BHMT2: variants seen among roughly 807,000 people sequenced by gnomAD.
The protein encoded by BHMT2 is S-methylmethionine--homocysteine S-methyltransferase BHMT2.
A neutral mutation model predicts 39.0 loss-of-function variants in BHMT2; 28 were observed. That is an observed-to-expected ratio of 0.72 (90% CI 0.53 to 0.98). The LOEUF (loss-of-function observed/expected upper bound fraction) is 0.98, where lower values mean the gene tolerates loss of function less well. Among genes scored for constraint, BHMT2 ranks in the 50% least tolerant of loss-of-function variants. BHMT2 has a pLI of 0.00. For synonymous variants in BHMT2, 145 were observed against 160.6 expected, an observed-to-expected ratio of 0.90 and a Z score of 0.74; for missense variants, 410 against 455.6, an observed-to-expected ratio of 0.90 and a Z score of 0.91.
intron 2 of BHMT2, chr5:79,077,819 TCACA>T: frequency 2.2e-6 from 1 of 449,220 alleles, no homozygotes; most frequent in Non-Finnish European, 3.9e-6. Flanking sequence ...CCTACCCACA[TCACA>T]CACCCACCCA....
At chr5:79,075,841 C>T (rs1755662108) in intron 1 of BHMT2, among the ~76,000 whole-genome samples, 1 of 152,136 alleles carries the variant, frequency 6.6e-6, no homozygotes, top group Non-Finnish European at 1.5e-5. Flanking sequence ...TCTTCAGCAC[C>T]CCACAGCTTA....
chr5:79,078,694 A>G (rs1755725889), intron 2 of BHMT2, among the ~76,000 whole-genome samples: 1 of 152,364 alleles, frequency 6.6e-6, no homozygotes, highest in African/African-American at 2.4e-5. Context: ...TCGGACACCC[A>G]GAGTTCTGTG....
intron 4 of BHMT2, chr5:79,082,579 A>G (rs1755807690): frequency 2.7e-6 from 1 of 367,892 alleles, no homozygotes; most frequent in Non-Finnish European, 4.8e-6. Flanking sequence ...ATCTCACTGA[A>G]TCAATGAACC....
chr5:79,072,388 A>G (rs1402523049), intron 1 of BHMT2, among the ~76,000 whole-genome samples: 2 of 152,252 alleles, frequency 1.3e-5, no homozygotes, highest in African/African-American at 4.8e-5. Context: ...GTCAAAATAT[A>G]TACTACAATT....
intron 3 of BHMT2, among the ~76,000 whole-genome samples, chr5:79,079,732 C>G (rs1462346655): frequency 6.6e-6 from 1 of 152,106 alleles, no homozygotes; most frequent in East Asian, 1.9e-4. Flanking sequence ...CCTGTCTCTA[C>G]TGAAAATGCA....
Position 79,083,700 on chromosome 5 carries a change from G to C in BHMT2, c.854G>C (p.Arg285Thr), listed in dbSNP as rs753420320. ...YAREAYNLGV[R>T]YIGGCCGFEP... ...AGAGAGGCCTACAACCTGGGGGTCA[G>C]GTACATTGGCGGGTGCTGTGGATTT... is the stretch of plus-strand genomic sequence containing the variant. The change falls in exon 7 of 8, where the codon AGG (arginine) becomes ACG (threonine). Residue 285 changes from arginine (R) to threonine (T), a missense_variant. Arg to Thr is a moderately conservative substitution (Grantham distance 71). Transcript: ENST00000255192. The C allele has an allele frequency of 6.2e-7, 1 of 1,614,110 alleles. No individual in the cohort carries two copies. Among genetic ancestry groups the C allele is most frequent in the Non-Finnish European group, 8.5e-7 (1 of 1,180,022 alleles).
chr5:79,083,073 C>T, intron 5 of BHMT2, 117 bp downstream of exon 5: 1 of 1,573,328 alleles, frequency 6.4e-7, no homozygotes, highest in Non-Finnish European at 8.7e-7. Context: ...AATCAGTTTT[C>T]TTATCTGTAA....
chr5:79,087,010 G>GTATATA lies in BHMT2; in HGVS notation c.1011-1482_1011-1481insATATAT, dbSNP rs71615505. On this transcript the variant is annotated intron_variant, in intron 7 of 7. Coordinates refer to ENST00000255192, the MANE Select transcript of BHMT2 (RefSeq NM_017614.5). ...CTTTTGTGTATGTATGTGTGTGTGT[G>GTATATA]TGTGTATATATATATATATATATAT... Among the ~76,000 whole-genome samples, 579 of 113,328 alleles carry GTATATA rather than the reference G, an allele frequency of 5.1e-3. 6 individuals carry two copies. The highest frequency in any genetic ancestry group is 0.017 in the Middle Eastern group (4 of 234). 74.3% of individuals were successfully genotyped at this position (113,328 alleles called of 152,430 possible).
At position 79,089,906 on chromosome 5, in the gene BHMT2, T is replaced by C. The variant is rs1301332268; in HGVS notation, c.*1332T>C. 1.3e-5 allele frequency among the ~76,000 whole-genome samples: 2 copies of C among 152,238 alleles called. No homozygotes were observed. Among genetic ancestry groups the C allele is most frequent in the African/African-American group, 4.8e-5 (2 of 41,462 alleles). On this transcript the variant is annotated 3_prime_UTR_variant, in exon 8 of 8. Coordinates refer to ENST00000255192, the MANE Select transcript of BHMT2 (RefSeq NM_017614.5). ...TTGCTTGAACCTGGGAGGCAGAGGTTGCAGTGAGCTGAGATCGCCCCACTG... is the reference window on the plus strand; with the variant it reads ...TTGCTTGAACCTGGGAGGCAGAGGTCGCAGTGAGCTGAGATCGCCCCACTG...
chr5:79,071,490 G>C lies in BHMT2; in HGVS notation c.33+1675G>C, dbSNP rs368042903. Among the ~76,000 whole-genome samples, 14 of 152,304 alleles carry C rather than the reference G, an allele frequency of 9.2e-5. 1 individual carries two copies. The highest frequency in any genetic ancestry group is 3.4e-4 in the African/African-American group (14 of 41,578). On this transcript the variant is annotated intron_variant, in intron 1 of 7. Coordinates refer to ENST00000255192, the MANE Select transcript of BHMT2 (RefSeq NM_017614.5). ...CCTAGAGCTCGCTGTCAGATGCAAG[G>C]CAGGTTCACTGCCAAACTGATGGGG...
chr5:79,082,100 G>C (rs979825600), intron 4 of BHMT2, among the ~76,000 whole-genome samples: 1 of 152,198 alleles, frequency 6.6e-6, no homozygotes, highest in African/African-American at 2.4e-5. Flanking sequence ...TGCTTCTGCA[G>C]AATTTGTTTC....
intron 1 of BHMT2, among the ~76,000 whole-genome samples, chr5:79,075,251 A>G (rs1580247252): frequency 1.3e-5 from 2 of 152,150 alleles, no homozygotes; most frequent in Admixed American, 1.3e-4. Context: ...GGACTGTGCA[A>G]TTTGGTGCAC....
chr5:79,070,457 G>A (rs573962986), intron 1 of BHMT2, among the ~76,000 whole-genome samples: 2 of 152,258 alleles, frequency 1.3e-5, no homozygotes, highest in East Asian at 3.9e-4. Context: ...CCAGATGTTG[G>A]CTTTATGCCC....
At chr5:79,077,825 A>T (rs1580249091) in intron 2 of BHMT2, 8 of 424,290 alleles carry the variant, frequency 1.9e-5, no homozygotes, top group Non-Finnish European at 3.3e-5. Context: ...CACATCACAC[A>T]CCCACCCATC....
At chr5:79,086,666 C>A (rs1002856612) in intron 7 of BHMT2, among the ~76,000 whole-genome samples, 4 of 152,162 alleles carry the variant, frequency 2.6e-5, no homozygotes, top group Non-Finnish European at 5.9e-5. Context: ...TCTTCTCTTG[C>A]ATTCCCGTGG....
intron 1 of BHMT2, among the ~76,000 whole-genome samples, chr5:79,074,626 C>G (rs900374475): frequency 5.3e-5 from 8 of 152,290 alleles, no homozygotes; most frequent in African/African-American, 1.9e-4. Context: ...GAAGCTCGCT[C>G]CTGACACCTG....
intron 1 of BHMT2, among the ~76,000 whole-genome samples, chr5:79,074,563 C>T (rs910060417): frequency 1.3e-5 from 2 of 152,194 alleles, no homozygotes; most frequent in African/African-American, 4.8e-5. Context: ...AATAGTATAT[C>T]AAGCAATATG....
At chr5:79,070,350 G>T (rs1386336946) in intron 1 of BHMT2, among the ~76,000 whole-genome samples, 2 of 152,164 alleles carry the variant, frequency 1.3e-5, no homozygotes, top group African/African-American at 2.4e-5. Context: ...CCCCAGAGCT[G>T]CGGTGCAGGG....
At chr5:79,076,456 C>T (rs1468257921) in intron 1 of BHMT2, among the ~76,000 whole-genome samples, 1 of 152,146 alleles carries the variant, frequency 6.6e-6, no homozygotes, top group Non-Finnish European at 1.5e-5. Flanking sequence ...GGTCTGTGGG[C>T]ACAGGCCTGA....
Sources: allele counts gnomAD v4.1 joint callset (sites outside exome capture counted in the v4.1 genomes callset), GRCh38; gene constraint gnomAD v4.1.1; transcripts MANE v1.5; gene names NCBI Gene and HGNC (gene_info 2026-07-23, HGNC 2026-07-21).